DOCK8: variants seen among roughly 807,000 people sequenced by gnomAD.
DOCK8 encodes dedicator of cytokinesis 8, also known as dedicator of cytokinesis protein 8.
A neutral mutation model predicts 245.6 loss-of-function variants in DOCK8; 141 were observed. That is an observed-to-expected ratio of 0.57 (90% CI 0.50 to 0.66). The LOEUF (loss-of-function observed/expected upper bound fraction) is 0.66. DOCK8 is among the 30% of genes least tolerant of loss of function. The pLI is 0.00. For missense variants in DOCK8, 2,965 were observed against 2,603.4 expected (o/e 1.14, Z -3.02); for synonymous variants, 1,168 against 970.2 (o/e 1.20, Z -3.79).
chr9:233,858 C>G (rs2047181699), intron 1 of DOCK8, among the ~76,000 whole-genome samples: 1 of 152,038 alleles, frequency 6.6e-6, no homozygotes, highest in African/African-American at 2.4e-5. Flanking sequence ...TCCAATTTGC[C>G]AGTCTGTGTC....
chr9:311,910 G>T, intron 5 of DOCK8, 44 bp from the exon 6 acceptor site: 1 of 1,606,390 alleles, frequency 6.2e-7, no homozygotes, highest in South Asian at 1.1e-5. Flanking sequence ...TCTCATTTTA[G>T]ACTTGCCGTC....
rs776293466 is a variant in DOCK8 at position 451,971 on chromosome 9, ATATATATTTTTTTTTTTTTTT to A, written c.5962-38_5962-18del. ...TGTGTGTGTGTATATATATATATAT[ATATATATTTTTTTTTTTTTTT>A]TTTTTTTTTTCCCACCAGGGACCAC... On this transcript the variant is annotated intron_variant, in intron 45 of 47. Coordinates refer to ENST00000432829, the MANE Select transcript of DOCK8 (RefSeq NM_203447.4). The A allele has an allele frequency of 5.4e-4, 215 of 401,356 alleles. 2 individuals carry two copies. The African/African-American group carries it at 8.6e-3, about 16-fold the overall frequency. 24.9% of individuals were successfully genotyped at this position (401,356 alleles called of 1,614,324 possible). A position where few individuals can be genotyped will look rare whatever the true frequency, so the allele number is the denominator to read the frequency against.
intron 9 of DOCK8, among the ~76,000 whole-genome samples, chr9:331,501 A>G (rs1586719463): frequency 6.6e-6 from 1 of 152,188 alleles, no homozygotes; most frequent in African/African-American, 2.4e-5. Flanking sequence ...CACAGCACCT[A>G]TTAAGTATGT....
rs113936024 is a variant in DOCK8 at position 226,005 on chromosome 9, A to G, written c.53+10976A>G. 3.5e-3 allele frequency among the ~76,000 whole-genome samples: 527 copies of G among 152,314 alleles called. 3 individuals carry two copies. Among genetic ancestry groups the G allele is most frequent in the African/African-American group, 0.012 (503 of 41,566 alleles). On this transcript the variant is annotated intron_variant, in intron 1 of 47. Transcript: ENST00000432829. ...AGAACGAATCACATAAAAGCCTTAAAGGCAATGGAAAAAATTTAAATGTTA... is the reference window on the plus strand; with the variant it reads ...AGAACGAATCACATAAAAGCCTTAAGGGCAATGGAAAAAATTTAAATGTTA...
At chr9:333,536 G>T (rs1586726054) in intron 10 of DOCK8, among the ~76,000 whole-genome samples, 1 of 151,858 alleles carries the variant, frequency 6.6e-6, no homozygotes, top group East Asian at 1.9e-4. Flanking sequence ...GGGAGGCGGA[G>T]GTTGCAGTGA....
intron 28 of DOCK8, among the ~76,000 whole-genome samples, chr9:408,869 CACACACA>C (rs1564027584): frequency 8.6e-5 from 5 of 57,870 alleles, no homozygotes; most frequent in African/African-American, 3.4e-4. Context: ...CAAACACACA[CACACACA>C]CACACACACA....
At chr9:252,047 C>T (rs1028732400) in intron 1 of DOCK8, among the ~76,000 whole-genome samples, 3 of 141,144 alleles carry the variant, frequency 2.1e-5, no homozygotes, top group East Asian at 2.1e-4. Flanking sequence ...GATCTCGGCT[C>T]ACTGCAACCT....
intron 4 of DOCK8, among the ~76,000 whole-genome samples, chr9:303,164 A>C: frequency 6.7e-6 from 1 of 149,912 alleles, no homozygotes; most frequent in Non-Finnish European, 1.5e-5. Flanking sequence ...TGTCTCAAGA[A>C]AAAAAAAAAG....
At chr9:359,467 T>C (rs1034724458) in intron 14 of DOCK8, among the ~76,000 whole-genome samples, 148 of 152,362 alleles carry the variant, frequency 9.7e-4, no homozygotes, top group African/African-American at 3.4e-3. Flanking sequence ...ATGTTAGCTA[T>C]TTTTTATTGT....
intron 14 of DOCK8, chr9:365,603 G>A (rs749822530): frequency 6.6e-6 from 3 of 454,370 alleles, no homozygotes; most frequent in South Asian, 4.7e-5. Context: ...AAGTCTTCCA[G>A]GTTTCAGCTG....
intron 26 of DOCK8, among the ~76,000 whole-genome samples, chr9:401,209 G>A (rs950260106): frequency 2.6e-5 from 4 of 151,044 alleles, no homozygotes; most frequent in Non-Finnish European, 5.9e-5. Context: ...ATAAGAAGGG[G>A]GGGTTGAGAG....
chr9:392,223 A>G (rs1322756308), intron 24 of DOCK8, among the ~76,000 whole-genome samples: 1 of 152,144 alleles, frequency 6.6e-6, no homozygotes, highest in Non-Finnish European at 1.5e-5. Context: ...TTGAAGCCCA[A>G]GAAAAAGGGA....
At chr9:421,107 C>G in intron 32 of DOCK8, 29 bp downstream of exon 32, 2 of 1,613,492 alleles carry the variant, frequency 1.2e-6, no homozygotes, top group Non-Finnish European at 1.7e-6. Flanking sequence ...TCCCTGCTCT[C>G]TGTCAAGCAG....
At chr9:215,279 G>A (rs761662511) in intron 1 of DOCK8, 1 of 1,608,346 alleles carries the variant, frequency 6.2e-7, no homozygotes, top group Non-Finnish European at 8.5e-7. Context: ...AGCCGCCGGG[G>A]ATCCCTTCCC....
Position 259,242 on chromosome 9 carries a change from G to T in DOCK8, c.54-12385G>T, listed in dbSNP as rs150043370. ...CTCGTAAGTCCTGGAGTTTGAGGCT[G>T]CAGTGAGCTGTGATCTCGCCACTGC... On this transcript the variant is annotated intron_variant, in intron 1 of 47. Coordinates refer to ENST00000432829, the MANE Select transcript of DOCK8 (RefSeq NM_203447.4). Among the ~76,000 whole-genome samples the T allele has an allele frequency of 7.6e-3, 1,160 of 152,236 alleles. 15 individuals are homozygous for T. Among genetic ancestry groups the T allele is most frequent in the African/African-American group, 0.027 (1,119 of 41,536 alleles).
Position 357,571 on chromosome 9 carries a change from TAAACAA to T in DOCK8, c.1680-10446_1680-10441del, listed in dbSNP as rs1181428785. On this transcript the variant is annotated intron_variant, in intron 14 of 47. Coordinates refer to ENST00000432829, the MANE Select transcript of DOCK8 (RefSeq NM_203447.4). ...ATTGGACCATTTATTGTAGAGTTTT[TAAACAA>T]TTTGATACCATTTTTTTTTTCTGGC... Among the ~76,000 whole-genome samples the T allele has an allele frequency of 2.8e-3, 424 of 150,494 alleles. 2 individuals are homozygous for T. The highest frequency in any genetic ancestry group is 0.01 in the African/African-American group (410 of 39,838).
chr9:318,966 A>G (rs1234039551), intron 7 of DOCK8, among the ~76,000 whole-genome samples: 1 of 152,210 alleles, frequency 6.6e-6, no homozygotes, highest in Non-Finnish European at 1.5e-5. Flanking sequence ...AGGTGGGAAA[A>G]CATGGTCACT....
At chr9:290,550 A>G (rs1379178342) in intron 4 of DOCK8, among the ~76,000 whole-genome samples, 2 of 152,218 alleles carry the variant, frequency 1.3e-5, no homozygotes, top group Non-Finnish European at 2.9e-5. Context: ...TCTCTCCTGG[A>G]TTAATCAAAC....
Position 394,561 on chromosome 9 carries a change from G to A in DOCK8, c.2971-2224G>A, listed in dbSNP as rs1049774211. ...AATGAACAACCACTTTGGCATTAGA[G>A]CTGTTAAACACAATGCTTGGGCGAC... On this transcript the variant is annotated intron_variant, in intron 24 of 47. Coordinates refer to ENST00000432829, the MANE Select transcript of DOCK8 (RefSeq NM_203447.4). Among the ~76,000 whole-genome samples, 8 of 152,344 alleles carry A rather than the reference G, an allele frequency of 5.3e-5. No homozygotes were observed. The South Asian group carries it at 6.2e-4, about 12-fold the overall frequency.
Sources: allele counts gnomAD v4.1 joint callset (sites outside exome capture counted in the v4.1 genomes callset), GRCh38; gene constraint gnomAD v4.1.1; transcripts MANE v1.5; gene names NCBI Gene and HGNC (gene_info 2026-07-23, HGNC 2026-07-21).